The following TULP4 variants were observed in gnomAD, a reference collection of about 807,000 sequenced individuals.
TULP4 encodes the protein tubby-related protein 4.
In TULP4, 16 loss-of-function variants were observed where a neutral mutation model predicts 129.0. The observed-to-expected ratio is 0.12, with a 90% confidence interval of 0.08 to 0.19. The LOEUF (loss-of-function observed/expected upper bound fraction) is 0.19, where lower values mean the gene tolerates loss of function less well. Ranked by LOEUF, TULP4 falls within the 10% of genes least tolerant of loss-of-function variation. TULP4 has a pLI of 1.00. For synonymous variants in TULP4, 998 were observed against 854.0 expected (o/e 1.17, Z -2.94); for missense variants, 1,842 against 2,059.1 (o/e 0.89, Z 2.04).
chr6:158,442,037 A>G (rs150117016), intron 3 of TULP4, among the ~76,000 whole-genome samples: 2 of 152,146 alleles, frequency 1.3e-5, no homozygotes, highest in Non-Finnish European at 2.9e-5. Context: ...AATACTGCCT[A>G]TGCCTCCCTC....
At chr6:158,384,289 C>CTTTTTTT (rs10634916) in intron 1 of TULP4, among the ~76,000 whole-genome samples, 2 of 144,472 alleles carry the variant, frequency 1.4e-5, no homozygotes, top group Non-Finnish European at 1.5e-5. Context: ...GCCTGTTTAG[C>CTTTTTTT]TTTTTTTTTT....
Position 158,393,805 on chromosome 6 carries a change from G to A in TULP4, c.253-19260G>A, listed in dbSNP as rs567509425. ...CAGAGCTGTGATAGGACGGGCTGCA[G>A]GGAAAATATCTGAAATGACCTGGAG... On this transcript the variant is annotated intron_variant, in intron 1 of 13. Transcript: ENST00000367097. 3.3e-5 allele frequency among the ~76,000 whole-genome samples: 5 copies of A among 152,312 alleles called. No homozygotes were observed. The South Asian group carries it at 1.0e-3, about 32-fold the overall frequency.
intron 1 of TULP4, among the ~76,000 whole-genome samples, chr6:158,380,018 T>C (rs552862291): frequency 2.2e-4 from 33 of 151,624 alleles, no homozygotes; most frequent in African/African-American, 5.6e-4. Flanking sequence ...ATTTCAAGAG[T>C]TGTTTAAAAG....
At chr6:158,246,457 A>G (rs770445214) in intron 1 of TULP4, among the ~76,000 whole-genome samples, 19 of 151,144 alleles carry the variant, frequency 1.3e-4, no homozygotes. Flanking sequence ...GCACCACTGC[A>G]CTCCAGCCTG....
At chr6:158,325,542 C>A (rs191237701) in intron 1 of TULP4, among the ~76,000 whole-genome samples, 54 of 151,940 alleles carry the variant, frequency 3.6e-4, no homozygotes, top group Admixed American at 5.9e-4. Flanking sequence ...TTAGTAGAGA[C>A]GGGATTTCAC....
intron 1 of TULP4, among the ~76,000 whole-genome samples, chr6:158,354,559 T>C (rs986263137): frequency 3.3e-5 from 5 of 152,208 alleles, no homozygotes; most frequent in African/African-American, 1.2e-4. Flanking sequence ...GAAAAAAATG[T>C]ATTGAGATGG....
At chr6:158,344,753 A>G (rs945529802) in intron 1 of TULP4, among the ~76,000 whole-genome samples, 2 of 152,168 alleles carry the variant, frequency 1.3e-5, no homozygotes, top group Non-Finnish European at 2.9e-5. Context: ...GGTGATCTCT[A>G]AGTGTTCAAG....
chr6:158,315,365 CT>C (rs1433547468), intron 1 of TULP4, among the ~76,000 whole-genome samples: 1 of 152,066 alleles, frequency 6.6e-6, no homozygotes, highest in East Asian at 1.9e-4. Flanking sequence ...TACATGAGGG[CT>C]CCATTCTCAT....
In TULP4 at chr6:158,502,268, G is replaced by A. The variant is rs1159407392; in HGVS notation, c.2605G>A (p.Asp869Asn). 12 of 1,607,566 alleles carry A rather than the reference G, an allele frequency of 7.5e-6. No individual in the cohort carries two copies. Among genetic ancestry groups the A allele is most frequent in the East Asian group, 6.7e-5 (3 of 44,658 alleles). Reference sequence around the variant, plus strand: ...AGTGGATGTGTGCTTGAAGAAGGGCGACTTCTCCCTCTACCCCACGTCAGT... The same window carrying A: ...AGTGGATGTGTGCTTGAAGAAGGGCAACTTCTCCCTCTACCCCACGTCAGT... ...PPVDVCLKKG[D>N]FSLYPTSVHY... The change falls in exon 13 of 14, where the codon GAC becomes AAC. Residue 869 changes from aspartate to asparagine, a missense_variant. Around this residue, in one of 5 missense-constraint regions of TULP4, gnomAD observed 1,089 missense variants for 987.1 expected, o/e 1.10. Transcript: ENST00000367097.
At chr6:158,425,764 A>G (rs1257204597) in intron 2 of TULP4, among the ~76,000 whole-genome samples, 1 of 151,928 alleles carries the variant, frequency 6.6e-6, no homozygotes, top group African/African-American at 2.4e-5. Flanking sequence ...ACACAACCCC[A>G]GGCTAGTTTT....
At chr6:158,329,651 C>T (rs530407712) in intron 1 of TULP4, among the ~76,000 whole-genome samples, 2 of 152,164 alleles carry the variant, frequency 1.3e-5, no homozygotes, top group South Asian at 2.1e-4. Flanking sequence ...TCTATTGTCT[C>T]TCCATTCACT....
At chr6:158,232,214 G>C (rs965094071), upstream of TULP4, 3 of 148,596 alleles carry the variant, frequency 2.0e-5, no homozygotes, top group Admixed American at 6.8e-5. Flanking sequence ...GCCGAGACGC[G>C]GGGGGAGGCG....
chr6:158,289,004 AG>A (rs1778881440), intron 1 of TULP4, among the ~76,000 whole-genome samples: 1 of 152,194 alleles, frequency 6.6e-6, no homozygotes, highest in South Asian at 2.1e-4. Context: ...ATACTGCTGT[AG>A]GCTATTCCTG....
chr6:158,361,032 A>G (rs909869164), intron 1 of TULP4, among the ~76,000 whole-genome samples: 6 of 151,702 alleles, frequency 4.0e-5, no homozygotes, highest in African/African-American at 1.5e-4. Flanking sequence ...ATTTTTTTCC[A>G]TGTATCTTTC....
intron 6 of TULP4, among the ~76,000 whole-genome samples, chr6:158,462,385 C>CTT (rs61200391): frequency 7.4e-6 from 1 of 134,570 alleles, no homozygotes; most frequent in Non-Finnish European, 1.6e-5. Context: ...TTTTTTCTTT[C>CTT]TTTTTTTTTT....
chr6:158,434,406 G>A (rs1052117272), intron 3 of TULP4, among the ~76,000 whole-genome samples: 1 of 152,126 alleles, frequency 6.6e-6, no homozygotes, highest in African/African-American at 2.4e-5. Context: ...ATGACACAAA[G>A]AGAAAATGTC....
Position 158,493,850 on chromosome 6 carries a change from C to T in TULP4, c.1776+133C>T. 1.0e-6 allele frequency: 1 copy of T among 997,618 alleles called. No individual in the cohort carries two copies. The highest frequency in any genetic ancestry group is 1.4e-6 in the Non-Finnish European group (1 of 722,054). 61.8% of individuals were successfully genotyped at this position (997,618 alleles called of 1,614,324 possible). On this transcript the variant is annotated intron_variant, in intron 10 of 13. Transcript: ENST00000367097. This position sits in a 1 kb window ranked among gnomAD's most constrained non-coding sequence, Gnocchi z 4.4. Reference sequence around the variant, plus strand: ...GAGCTCTGCTCCACATCCTGCACACCACCTACTACCTCAGGAGTAGCCCTC... The same window carrying T: ...GAGCTCTGCTCCACATCCTGCACACTACCTACTACCTCAGGAGTAGCCCTC...
At chr6:158,307,442 C>T (rs1005375978) in intron 1 of TULP4, among the ~76,000 whole-genome samples, 5 of 152,154 alleles carry the variant, frequency 3.3e-5, no homozygotes, top group African/African-American at 1.2e-4. Context: ...AATTTTTCAT[C>T]CTTGGTTACA....
chr6:158,327,081 A>G (rs980756848), intron 1 of TULP4, among the ~76,000 whole-genome samples: 24 of 152,156 alleles, frequency 1.6e-4, no homozygotes, highest in African/African-American at 5.8e-4. Flanking sequence ...TCATTTGTGA[A>G]ATGGATTTAT....
Sources: gnomAD v4.1 joint callset for allele counts (sites outside exome capture counted in the v4.1 genomes callset) on GRCh38, gnomAD v4.1.1 for gene constraint, gnomAD v4.1.1 regional missense constraint, Gnocchi (gnomAD v3.1) non-coding constraint, MANE v1.5 for transcripts, NCBI Gene and HGNC (gene_info 2026-07-23, HGNC 2026-07-21) for gene names.